Variants in GRID2 observed in about 807,000 individuals in gnomAD.
The protein encoded by GRID2 is glutamate ionotropic receptor delta type subunit 2.
A neutral mutation model predicts 114.8 loss-of-function variants in GRID2; 33 were observed. That is an observed-to-expected ratio of 0.29 (90% CI 0.22 to 0.38). The LOEUF is 0.38. Among genes scored for constraint, GRID2 ranks in the 10% least tolerant of loss-of-function variants. GRID2 has a pLI of 1.00. For missense variants in GRID2, 1,184 were observed against 1,257.7 expected, an observed-to-expected ratio of 0.94 and a Z score of 0.89; for synonymous variants, 505 against 449.9, an observed-to-expected ratio of 1.12 and a Z score of -1.55.
intron 2 of GRID2, among the ~76,000 whole-genome samples, chr4:92,823,198 A>C (rs1013006728): frequency 6.6e-6 from 1 of 152,164 alleles, no homozygotes; most frequent in South Asian, 2.1e-4. Context: ...AGTCACATAT[A>C]TATGGAGAAA....
At chr4:93,091,921 A>G (rs1361305991) in intron 3 of GRID2, among the ~76,000 whole-genome samples, 1 of 152,180 alleles carries the variant, frequency 6.6e-6, no homozygotes, top group Non-Finnish European at 1.5e-5. Context: ...TGCCCAGAAA[A>G]GGTCAGAATG....
rs1390438979 is a variant in GRID2 at position 93,644,034 on chromosome 4, G to A, written c.2360+17599G>A. On this transcript the variant is annotated intron_variant, in intron 14 of 15. Coordinates refer to ENST00000282020, the MANE Select transcript of GRID2 (RefSeq NM_001510.4). ...CTCGTGGTGCGCCGTTTCTTAAGCC[G>A]GTCTGAAAAGCGCAATATTCGGGTG... 7.3e-5 allele frequency among the ~76,000 whole-genome samples: 6 copies of A among 81,858 alleles called. 2 individuals carry two copies. Among genetic ancestry groups the A allele is most frequent in the South Asian group, 8.1e-4 (2 of 2,458 alleles). 53.7% of individuals were successfully genotyped at this position (81,858 alleles called of 152,430 possible).
rs572479659 is a variant in GRID2 at position 92,623,715 on chromosome 4, T to A, written c.244+33429T>A. ...CTGGAGAAATTACCACAGTAAAAGC[T>A]GTGGCACCGCTAACACCCACAGTCA... On this transcript the variant is annotated intron_variant, in intron 2 of 15. Transcript: ENST00000282020. Among the ~76,000 whole-genome samples the A allele has an allele frequency of 1.6e-3, 247 of 151,882 alleles. 1 individual carries two copies. The highest frequency in any genetic ancestry group is 5.9e-3 in the African/African-American group (243 of 41,508).
chr4:92,971,164 G>C (rs1753489823), intron 2 of GRID2, among the ~76,000 whole-genome samples: 2 of 151,924 alleles, frequency 1.3e-5, no homozygotes, highest in Admixed American at 6.6e-5. Flanking sequence ...TAAATAAGTA[G>C]CAATGATAGG....
At chr4:93,650,606 G>A (rs893332427) in intron 14 of GRID2, among the ~76,000 whole-genome samples, 1 of 152,138 alleles carries the variant, frequency 6.6e-6, no homozygotes, top group African/African-American at 2.4e-5. Flanking sequence ...TGCTTGTATA[G>A]TGGTGTGTGA....
intron 2 of GRID2, among the ~76,000 whole-genome samples, chr4:92,832,496 C>A (rs1272236024): frequency 2.0e-5 from 3 of 151,942 alleles, no homozygotes; most frequent in African/African-American, 7.2e-5. Flanking sequence ...CGGGTTCAAG[C>A]TATTCTTCTG....
At chr4:93,340,346 T>A (rs1759525194) in intron 8 of GRID2, among the ~76,000 whole-genome samples, 1 of 151,912 alleles carries the variant, frequency 6.6e-6, no homozygotes, top group African/African-American at 2.4e-5. Context: ...AGTTCTTTTT[T>A]GTCATTCTAG....
At chr4:93,592,086 T>A (rs889120480) in intron 13 of GRID2, among the ~76,000 whole-genome samples, 10 of 152,224 alleles carry the variant, frequency 6.6e-5, no homozygotes, top group Non-Finnish European at 1.2e-4. Flanking sequence ...AGTTATTTCT[T>A]GCCTTCTGCT....
chr4:93,514,468 A>G (rs1160506989), intron 12 of GRID2, among the ~76,000 whole-genome samples: 1 of 130,434 alleles, frequency 7.7e-6, no homozygotes, highest in Non-Finnish European at 1.7e-5. Context: ...CACAATGCTA[A>G]AGCAAATATA....
intron 4 of GRID2, among the ~76,000 whole-genome samples, chr4:93,198,053 G>A (rs1386897312): frequency 1.3e-5 from 2 of 152,086 alleles, no homozygotes; most frequent in Non-Finnish European, 2.9e-5. Context: ...ATCCACAGAT[G>A]TATAAGGACG....
intron 1 of GRID2, among the ~76,000 whole-genome samples, chr4:93,802,163 CA>C (rs1180115930): frequency 3.3e-5 from 5 of 151,894 alleles, no homozygotes; most frequent in African/African-American, 1.2e-4. Flanking sequence ...CCAAGTTCTA[CA>C]AAAGAAAAAA....
chr4:93,123,003 T>G (rs1733938843), intron 4 of GRID2, among the ~76,000 whole-genome samples: 1 of 148,636 alleles, frequency 6.7e-6, no homozygotes, highest in Non-Finnish European at 1.5e-5. Context: ...TGAGACAGCA[T>G]CAAGTTTTTC....
intron 1 of GRID2, among the ~76,000 whole-genome samples, chr4:92,443,853 TA>T (rs1289221901): frequency 2.0e-5 from 3 of 152,168 alleles, no homozygotes; most frequent in African/African-American, 7.2e-5. Flanking sequence ...CTGCAATGAT[TA>T]AACACCAAGG....
rs116772376 is a variant in GRID2, at chr4:92,961,489, A to G, written c.245-123506A>G. 4.7e-3 allele frequency among the ~76,000 whole-genome samples: 713 copies of G among 151,670 alleles called. 6 individuals carry two copies. Among genetic ancestry groups the G allele is most frequent in the African/African-American group, 0.016 (671 of 41,488 alleles). On this transcript the variant is annotated intron_variant, in intron 2 of 15. Coordinates refer to ENST00000282020, the MANE Select transcript of GRID2 (RefSeq NM_001510.4). Reference sequence around the variant, plus strand: ...GATGATATTTTCCTCTTAATATTAAATATTTCATTTAATTCTTTTCTTGCT... The same window carrying G: ...GATGATATTTTCCTCTTAATATTAAGTATTTCATTTAATTCTTTTCTTGCT...
intron 4 of GRID2, among the ~76,000 whole-genome samples, chr4:93,119,002 T>G (rs1402740573): frequency 6.6e-6 from 1 of 152,226 alleles, no homozygotes; most frequent in Admixed American, 6.5e-5. Context: ...TGTCATGTAA[T>G]TGCTAAGGGG....
At chr4:92,364,590 T>C (rs1728763390) in intron 1 of GRID2, among the ~76,000 whole-genome samples, 1 of 151,986 alleles carries the variant, frequency 6.6e-6, no homozygotes, top group Non-Finnish European at 1.5e-5. Context: ...AGGTCTAGTA[T>C]AGACTTTAAA....
chr4:92,966,949 G>A (rs574430417), intron 2 of GRID2, among the ~76,000 whole-genome samples: 12 of 151,928 alleles, frequency 7.9e-5, no homozygotes, highest in African/African-American at 1.9e-4. Context: ...TATAGGCACC[G>A]TTGTCATGAT....
At chr4:92,361,963 G>A (rs140462549) in intron 1 of GRID2, among the ~76,000 whole-genome samples, 3 of 152,116 alleles carry the variant, frequency 2.0e-5, no homozygotes, top group Admixed American at 6.6e-5. Context: ...TATTTGTAGA[G>A]AGTGCCCTGG....
intron 2 of GRID2, among the ~76,000 whole-genome samples, chr4:92,713,480 T>TATAC (rs1735369172): frequency 1.5e-5 from 1 of 64,946 alleles, no homozygotes; most frequent in African/African-American, 6.4e-5. Context: ...CATATACATA[T>TATAC]ATATATATAT....
Sources: allele counts gnomAD v4.1 joint callset (sites outside exome capture counted in the v4.1 genomes callset), GRCh38; gene constraint gnomAD v4.1.1; transcripts MANE v1.5; gene names NCBI Gene and HGNC (gene_info 2026-07-23, HGNC 2026-07-21).